Variants in MYOM1 observed in about 807,000 individuals in gnomAD.
MYOM1 encodes the protein myomesin 1.
Under a neutral mutation model 205.3 loss-of-function variants are expected in MYOM1, and 164 were observed. The observed-to-expected ratio is 0.80, with a 90% confidence interval of 0.70 to 0.91. The LOEUF (loss-of-function observed/expected upper bound fraction) is 0.91, where lower values mean the gene tolerates loss of function less well. Ranked by LOEUF, MYOM1 falls within the 40% of genes least tolerant of loss-of-function variation. The pLI, the probability that MYOM1 is intolerant of heterozygous loss-of-function variation, is 0.00. For missense variants in MYOM1, 2,011 were observed against 2,127.3 expected (o/e 0.95, Z 1.08); for synonymous variants, 772 against 789.4 (o/e 0.98, Z 0.37).
At position 3,219,555 on chromosome 18, in the gene MYOM1, C is replaced by T. The variant is rs2144276604; in HGVS notation, c.-29+248G>A. Among the ~76,000 whole-genome samples the T allele has an allele frequency of 6.6e-6, 1 of 152,318 alleles. No homozygotes were observed. The highest frequency in any genetic ancestry group is 2.4e-5 in the African/African-American group (1 of 41,566). On this transcript the variant is annotated intron_variant, in intron 1 of 37. Coordinates refer to ENST00000356443, the MANE Select transcript of MYOM1 (RefSeq NM_003803.4). This position sits in a 1 kb window ranked among gnomAD's most constrained non-coding sequence, Gnocchi z 4.4. ...ATCCGAGGCAGATATGACCTCCTTA[C>T]AGTTCCAGGAACAGCAGCTTAATTT...
rs1340735419 is a variant in MYOM1 at position 3,154,877 on chromosome 18, A to G, written c.1643+70T>C. 7.3e-6 allele frequency: 11 copies of G among 1,510,848 alleles called. No homozygotes were observed. The African/African-American group carries it at 1.5e-4, about 21-fold the overall frequency. The allele number at this position is 1,510,848 out of a possible 1,614,324, so 93.6% of individuals were successfully genotyped here. A position where few individuals can be genotyped will look rare whatever the true frequency, so the allele number is the denominator to read the frequency against. ...AGAAAAGAAAATATTTCCACTAGAA[A>G]TGATGGGAGAAATCAAGCACGCATC... On this transcript the variant is annotated intron_variant, in intron 11 of 37. Coordinates refer to ENST00000356443, the MANE Select transcript of MYOM1 (RefSeq NM_003803.4).
At chr18:3,232,450 G>A in the MYOM1 span, among the ~76,000 whole-genome samples, 9 of 152,330 alleles carry the variant, frequency 5.9e-5, no homozygotes, top group African/African-American at 1.9e-4. Context: ...GGGTCTGGGA[G>A]AGGGGACAGG....
rs2080700408 is a variant in MYOM1, at chr18:3,179,638, T to G, written c.930-3504A>C. Among the ~76,000 whole-genome samples, 1 of 152,154 alleles carries G rather than the reference T, an allele frequency of 6.6e-6. No individual in the cohort carries two copies. Among genetic ancestry groups the G allele is most frequent in the Admixed American group, 6.5e-5 (1 of 15,280 alleles). ...GCAGTGCTATTTCCTGCCAGCAGCT[T>G]CAGACAGCTGTCTCAACATGGCTCG... On this transcript the variant is annotated intron_variant, in intron 5 of 37. Transcript: ENST00000356443. The surrounding 1 kb of genome is among the most constrained non-coding windows in gnomAD (Gnocchi z 4.4).
chr18:3,187,424 G>A (rs2080832605), intron 5 of MYOM1, 56 bp downstream of exon 5: 2 of 1,573,704 alleles, frequency 1.3e-6, no homozygotes, highest in Non-Finnish European at 1.7e-6. Flanking sequence ...GTTTCCACTA[G>A]AGGCGAACTT....
At chr18:3,116,784 G>C (rs1332116189) in intron 20 of MYOM1, among the ~76,000 whole-genome samples, 1 of 152,082 alleles carries the variant, frequency 6.6e-6, no homozygotes, top group Non-Finnish European at 1.5e-5. Context: ...CTTCCCTTCA[G>C]GCCATTCTCT....
At chr18:3,246,939 T>C in the MYOM1 span, 1 of 152,166 alleles carries the variant, frequency 6.6e-6, no homozygotes, top group East Asian at 1.9e-4. Flanking sequence ...CGTTACGAAT[T>C]GTTCTAGGCA....
At chr18:3,075,986 C>G (rs1444086024) in intron 34 of MYOM1, among the ~76,000 whole-genome samples, 1 of 152,184 alleles carries the variant, frequency 6.6e-6, no homozygotes, top group African/African-American at 2.4e-5. Flanking sequence ...TAGAAGCTTT[C>G]AACTCAGCAA....
chr18:3,100,460 C>T, intron 23 of MYOM1, 34 bp from the exon 24 acceptor site: 4 of 1,514,112 alleles, frequency 2.6e-6, no homozygotes, highest in East Asian at 2.3e-5. Context: ...AGAAATGAGG[C>T]TGTGTGGGAT....
chr18:3,188,768 G>A lies in MYOM1; in HGVS notation c.751C>T (p.Arg251Cys), dbSNP rs992528328. 4.4e-6 allele frequency: 7 copies of A among 1,595,528 alleles called. No individual in the cohort carries two copies. The highest frequency in any genetic ancestry group is 2.3e-5 in the South Asian group (2 of 88,582). Residue 251 changes from arginine to cysteine, a missense_variant, in exon 4 of 38, where the codon CGC (arginine) becomes TGC (cysteine). Transcript: ENST00000356443. ...CTTACTGTTTTCCTCAGGGACAGGC[G>A]TTCTGCCTTTTCTCGAATCACAACT... ...RKVVIREKAE[R>C]LSLRKTLEET...
intron 10 of MYOM1, among the ~76,000 whole-genome samples, chr18:3,155,381 C>T (rs1281576695): frequency 6.6e-6 from 1 of 152,172 alleles, no homozygotes; most frequent in Admixed American, 6.5e-5. Context: ...GCCACCACGC[C>T]CAGCTAATTT....
intron 5 of MYOM1, among the ~76,000 whole-genome samples, chr18:3,178,077 G>A (rs1011621482): frequency 6.6e-6 from 1 of 152,094 alleles, no homozygotes; most frequent in Non-Finnish European, 1.5e-5. Context: ...TGCTGGACCA[G>A]GCTTTTCTAC....
intron 30 of MYOM1, 84 bp from the exon 31 acceptor site, chr18:3,085,216 TCTG>T (rs1173085888): frequency 3.1e-5 from 20 of 652,536 alleles, no homozygotes; most frequent in Non-Finnish European, 4.7e-5. Flanking sequence ...TTCTGCTTCT[TCTG>T]CTGCTGCTGC....
At chr18:3,076,214 T>A (rs950204274) in intron 34 of MYOM1, among the ~76,000 whole-genome samples, 3 of 151,976 alleles carry the variant, frequency 2.0e-5, no homozygotes, top group Non-Finnish European at 2.9e-5. Context: ...TCAAGTAGCA[T>A]GCGCCATCAC....
the MYOM1 span, among the ~76,000 whole-genome samples, chr18:3,243,792 T>C: frequency 6.6e-6 from 1 of 152,210 alleles, no homozygotes; most frequent in South Asian, 2.1e-4. Flanking sequence ...GGTAATAATG[T>C]CTATCTCACA....
intron 14 of MYOM1, among the ~76,000 whole-genome samples, chr18:3,140,487 T>C (rs2080033055): frequency 6.6e-6 from 1 of 152,210 alleles, no homozygotes; most frequent in Non-Finnish European, 1.5e-5. Context: ...AAATTAAATA[T>C]TGTCTTTGTA....
intron 27 of MYOM1, 127 bp downstream of exon 27, chr18:3,090,531 T>A (rs1318805952): frequency 3.1e-6 from 4 of 1,287,320 alleles, no homozygotes; most frequent in Non-Finnish European, 4.3e-6. Context: ...AAAATTGTAT[T>A]TTGAACATTA....
intron 34 of MYOM1, among the ~76,000 whole-genome samples, chr18:3,076,015 A>G (rs1488638345): frequency 6.6e-6 from 1 of 152,226 alleles, no homozygotes; most frequent in Non-Finnish European, 1.5e-5. Context: ...CAGCCCCTCA[A>G]ACGGAAAGGC....
At chr18:3,084,511 C>G (rs2079127008) in intron 31 of MYOM1, among the ~76,000 whole-genome samples, 1 of 152,190 alleles carries the variant, frequency 6.6e-6, no homozygotes, top group Non-Finnish European at 1.5e-5. Context: ...ATTAGTCAGA[C>G]TTCTGCTGTT....
At chr18:3,088,952 A>G (rs2079188296) in intron 29 of MYOM1, among the ~76,000 whole-genome samples, 2 of 152,252 alleles carry the variant, frequency 1.3e-5, no homozygotes, top group African/African-American at 4.8e-5. Context: ...TAACTAGATC[A>G]TGAGTAGTGA....
Sources: allele counts gnomAD v4.1 joint callset (sites outside exome capture counted in the v4.1 genomes callset), GRCh38; gene constraint gnomAD v4.1.1; non-coding constraint Gnocchi (gnomAD v3.1); transcripts MANE v1.5; gene names NCBI Gene and HGNC (gene_info 2026-07-23, HGNC 2026-07-21).